Variants in CABCOCO1 observed in about 807,000 individuals in gnomAD.
The protein encoded by CABCOCO1 is ciliary-associated calcium-binding coiled-coil protein 1.
Under a neutral mutation model 35.7 loss-of-function variants are expected in CABCOCO1, and 28 were observed. That is an observed-to-expected ratio of 0.78 (90% confidence interval 0.58 to 1.07). CABCOCO1 has a LOEUF of 1.07. Ranked by LOEUF, CABCOCO1 falls within the 50% of genes least tolerant of loss-of-function variation. CABCOCO1 has a pLI of 0.00. For synonymous variants in CABCOCO1, 95 were observed against 100.1 expected, an observed-to-expected ratio of 0.95 and a Z score of 0.30; for missense variants, 326 against 309.2, an observed-to-expected ratio of 1.05 and a Z score of -0.41.
At chr10:61,715,559 T>C (rs1840842943) in intron 5 of CABCOCO1, among the ~76,000 whole-genome samples, 1 of 152,226 alleles carries the variant, frequency 6.6e-6, no homozygotes, top group Non-Finnish European at 1.5e-5. Flanking sequence ...GTCATTGTGA[T>C]ATTAGTTGGT....
At chr10:61,718,322 G>C (rs376239326) in intron 5 of CABCOCO1, among the ~76,000 whole-genome samples, 34 of 152,206 alleles carry the variant, frequency 2.2e-4, no homozygotes, top group African/African-American at 7.9e-4. Context: ...AGGGTCAGGA[G>C]GCAGATTAGG....
chr10:61,735,507 T>C (rs1019826314), intron 5 of CABCOCO1, among the ~76,000 whole-genome samples: 1 of 152,152 alleles, frequency 6.6e-6, no homozygotes, highest in Non-Finnish European at 1.5e-5. Context: ...CTGGAGCTTC[T>C]GTTGTCCTAT....
chr10:61,675,182 C>T (rs1458364043), intron 2 of CABCOCO1, among the ~76,000 whole-genome samples: 1 of 152,162 alleles, frequency 6.6e-6, no homozygotes, highest in African/African-American at 2.4e-5. Context: ...TCTTTCCCTA[C>T]GTTCTTTCAT....
chr10:61,705,674 A>C (rs1391187532), intron 5 of CABCOCO1, among the ~76,000 whole-genome samples: 1 of 152,222 alleles, frequency 6.6e-6, no homozygotes, highest in African/African-American at 2.4e-5. Flanking sequence ...GGCTCCTGTG[A>C]GTTAGTTATC....
chr10:61,726,276 G>C (rs565146118), intron 5 of CABCOCO1, among the ~76,000 whole-genome samples: 1 of 152,212 alleles, frequency 6.6e-6, no homozygotes, highest in South Asian at 2.1e-4. Context: ...GTACACATTT[G>C]TACATACATC....
intron 2 of CABCOCO1, among the ~76,000 whole-genome samples, chr10:61,679,292 T>C (rs1331946290): frequency 9.0e-6 from 1 of 110,934 alleles, no homozygotes; most frequent in Non-Finnish European, 1.9e-5. Flanking sequence ...TATATCTATA[T>C]CTATATCTAT....
intron 1 of CABCOCO1, among the ~76,000 whole-genome samples, chr10:61,666,057 T>C (rs1469885921): frequency 6.6e-6 from 1 of 152,200 alleles, no homozygotes; most frequent in Non-Finnish European, 1.5e-5. Flanking sequence ...AGGTGACAAT[T>C]ACTCAATGCA....
At chr10:61,759,584 C>T (rs1174140241) in intron 5 of CABCOCO1, among the ~76,000 whole-genome samples, 2 of 151,982 alleles carry the variant, frequency 1.3e-5, no homozygotes, top group Non-Finnish European at 2.9e-5. Flanking sequence ...TCTTTGCAGC[C>T]CTTATTGTCT....
At chr10:61,757,540 A>C (rs1841922819) in intron 5 of CABCOCO1, among the ~76,000 whole-genome samples, 1 of 152,178 alleles carries the variant, frequency 6.6e-6, no homozygotes, top group Non-Finnish European at 1.5e-5. Flanking sequence ...TCAAATTAAT[A>C]GTTATATGGG....
At chr10:61,733,896 T>A (rs1245106855) in intron 5 of CABCOCO1, among the ~76,000 whole-genome samples, 2 of 152,038 alleles carry the variant, frequency 1.3e-5, no homozygotes, top group African/African-American at 4.8e-5. Flanking sequence ...ATTTATGTAA[T>A]AAAAAGAGTT....
At chr10:61,729,374 A>C (rs1000115368) in intron 5 of CABCOCO1, among the ~76,000 whole-genome samples, 1 of 152,162 alleles carries the variant, frequency 6.6e-6, no homozygotes, top group African/African-American at 2.4e-5. Context: ...AAAAATGTTC[A>C]ATGTCACCAA....
chr10:61,728,867 C>G (rs933286543), intron 5 of CABCOCO1, among the ~76,000 whole-genome samples: 3 of 152,142 alleles, frequency 2.0e-5, no homozygotes, highest in Admixed American at 1.3e-4. Context: ...TATTCTCCTT[C>G]TTGAAGTCAT....
intron 3 of CABCOCO1, among the ~76,000 whole-genome samples, chr10:61,683,167 A>AG (rs1165806989): frequency 1.3e-5 from 2 of 152,176 alleles, no homozygotes; most frequent in African/African-American, 2.4e-5. Context: ...CTAGGATTAC[A>AG]GGCATTAGCC....
At chr10:61,707,243 G>A (rs1188909752) in intron 5 of CABCOCO1, among the ~76,000 whole-genome samples, 1 of 152,112 alleles carries the variant, frequency 6.6e-6, no homozygotes, top group East Asian at 1.9e-4. Context: ...TAGCAAGTTA[G>A]GCAGGCGAAT....
intron 5 of CABCOCO1, among the ~76,000 whole-genome samples, chr10:61,743,312 C>A (rs1841589107): frequency 6.6e-6 from 1 of 152,030 alleles, no homozygotes; most frequent in African/African-American, 2.4e-5. Flanking sequence ...GTAGCCATAG[C>A]AAAAGACAAA....
intron 1 of CABCOCO1, among the ~76,000 whole-genome samples, chr10:61,669,495 A>C (rs921742316): frequency 1.3e-5 from 2 of 152,208 alleles, no homozygotes; most frequent in South Asian, 4.1e-4. Flanking sequence ...ATTTTTACAA[A>C]GCAGAATGTA....
At chr10:61,684,889 A>G (rs946923646) in intron 3 of CABCOCO1, 1 of 152,244 alleles carries the variant, frequency 6.6e-6, no homozygotes, top group Non-Finnish European at 1.5e-5. Flanking sequence ...CCAAACGAGA[A>G]AAGAAAATGG....
Position 61,760,959 on chromosome 10 carries a change from T to C in CABCOCO1, c.772T>C (p.Ser258Pro). 6.2e-7 allele frequency: 1 copy of C among 1,612,636 alleles called. No individual in the cohort carries two copies. The highest frequency in any genetic ancestry group is 8.5e-7 in the Non-Finnish European group (1 of 1,179,114). ...LVGFTIEDVK[S>P]VLDQVTDDIL... is the part of the protein sequence containing the mutation. ...TGGTTTTACCATTGAAGATGTAAAA[T>C]CAGTGCTGGATCAAGTCACAGATGA... The change falls in exon 7 of 8, where the codon TCA becomes CCA. Residue 258 changes from serine (S) to proline (P), a missense_variant. Ser to Pro is a moderately conservative substitution (Grantham distance 74, BLOSUM62 -1). Transcript: ENST00000648843.
At chr10:61,736,837 T>C (rs765009675) in intron 5 of CABCOCO1, among the ~76,000 whole-genome samples, 15 of 152,224 alleles carry the variant, frequency 9.9e-5, no homozygotes, top group African/African-American at 1.4e-4. Flanking sequence ...TTTGTAATTC[T>C]CATTGCAGAG....
Sources: gnomAD v4.1 joint callset for allele counts (sites outside exome capture counted in the v4.1 genomes callset) on GRCh38, gnomAD v4.1.1 for gene constraint, MANE v1.5 for transcripts, NCBI Gene and HGNC (gene_info 2026-07-23, HGNC 2026-07-21) for gene names.